Variants in DSCC1 observed in about 807,000 individuals in gnomAD.
DSCC1 encodes DNA replication and sister chromatid cohesion 1.
A neutral mutation model predicts 48.2 loss-of-function variants in DSCC1; 32 were observed. That is an observed-to-expected ratio of 0.66 (90% CI 0.50 to 0.89). The LOEUF is 0.89. Ranked by LOEUF, DSCC1 falls within the 40% of genes least tolerant of loss-of-function variation. The probability of loss-of-function intolerance (pLI) is 0.00; values close to 1 mark genes in which losing one functional copy is unlikely to be tolerated. For missense variants in DSCC1, 421 were observed against 471.7 expected, an observed-to-expected ratio of 0.89 and a Z score of 1.00; for synonymous variants, 150 against 171.5, an observed-to-expected ratio of 0.87 and a Z score of 0.98.
intron 3 of DSCC1, 60 bp downstream of exon 3, chr8:119,850,322 A>G (rs1303859185): frequency 8.2e-6 from 12 of 1,471,054 alleles, no homozygotes; most frequent in South Asian, 1.4e-5. Context: ...GAATGTGACT[A>G]TTAAGTGCCT....
intron 4 of DSCC1, among the ~76,000 whole-genome samples, chr8:119,844,373 A>C (rs982093119): frequency 7.0e-6 from 1 of 143,292 alleles, no homozygotes; most frequent in African/African-American, 2.6e-5. Flanking sequence ...TGGGAGGCCG[A>C]GGTTGTAGTG....
At chr8:119,854,025 CAT>C (rs1353246099) in intron 1 of DSCC1, among the ~76,000 whole-genome samples, 1 of 152,178 alleles carries the variant, frequency 6.6e-6, no homozygotes, top group East Asian at 1.9e-4. Context: ...GCCTGAGAAA[CAT>C]AGCAAGACCC....
intron 3 of DSCC1, among the ~76,000 whole-genome samples, chr8:119,849,375 C>T (rs1826912651): frequency 6.6e-6 from 1 of 152,094 alleles, no homozygotes; most frequent in South Asian, 2.1e-4. Context: ...CACTGCACTC[C>T]AGCCTGGGCA....
chr8:119,841,301 T>C (rs1179348457), intron 7 of DSCC1, among the ~76,000 whole-genome samples: 1 of 152,140 alleles, frequency 6.6e-6, no homozygotes, highest in Non-Finnish European at 1.5e-5. Context: ...CTGACTGGCA[T>C]TTTCAAAAGA....
intron 3 of DSCC1, among the ~76,000 whole-genome samples, chr8:119,847,591 G>A (rs554945629): frequency 1.3e-5 from 2 of 152,106 alleles, no homozygotes; most frequent in East Asian, 1.9e-4. Flanking sequence ...GCTAATGACT[G>A]CACACCACTA....
In DSCC1 at chr8:119,852,101, T is replaced by C. The variant is rs544540801; in HGVS notation, c.351+946A>G. Among the ~76,000 whole-genome samples, 186 of 152,330 alleles carry C rather than the reference T, an allele frequency of 1.2e-3. 1 individual carries two copies. The highest frequency in any genetic ancestry group is 2.1e-3 in the Non-Finnish European group (143 of 68,036). ...TGGAGCTTCCCAGCATTTTCCCTTC[T>C]TTCCTCTCCAATTCTGTATTTAAGG... On this transcript the variant is annotated intron_variant, in intron 2 of 8. Transcript: ENST00000313655.
intron 3 of DSCC1, 144 bp downstream of exon 3, chr8:119,850,238 G>T: frequency 1.4e-6 from 1 of 715,870 alleles, no homozygotes; most frequent in Non-Finnish European, 2.1e-6. Flanking sequence ...GTGCTTTGGG[G>T]TGTGCTTGAA....
chr8:119,841,077 C>T (rs1017596936), intron 7 of DSCC1, among the ~76,000 whole-genome samples: 9 of 151,686 alleles, frequency 5.9e-5, no homozygotes, highest in South Asian at 4.2e-4. Context: ...CTGCAACCTC[C>T]GCCTCCCAGG....
In DSCC1 at chr8:119,847,004, G is replaced by A. The variant is rs762030492; in HGVS notation, c.563C>T (p.Ala188Val). 2.5e-6 allele frequency: 4 copies of A among 1,613,634 alleles called. No homozygotes were observed. Among genetic ancestry groups the A allele is most frequent in the East Asian group, 2.2e-5 (1 of 44,860 alleles). Residue 188 changes from alanine to valine, a missense_variant, in exon 4 of 9, where the codon GCC becomes GTC. By Grantham distance (64) the Ala-to-Val change is moderately conservative. Coordinates refer to ENST00000313655, the MANE Select transcript of DSCC1 (RefSeq NM_024094.3). The part of the protein sequence containing the change: ...EIMTQLQVLN[A>V]CKIGGYWRIL... ...AGTAACGCTACCTCCAATCTTACAG[G>A]CATTTAGAACTTGTAATTGGGTCAT...
intron 7 of DSCC1, chr8:119,838,986 A>C (rs1271721578): frequency 6.6e-6 from 1 of 152,292 alleles, no homozygotes; most frequent in Non-Finnish European, 1.5e-5. Context: ...CACCCACCTC[A>C]ACTTCCCAAA....
At chr8:119,845,253 GT>G (rs1165213949) in intron 4 of DSCC1, among the ~76,000 whole-genome samples, 1 of 151,760 alleles carries the variant, frequency 6.6e-6, no homozygotes, top group African/African-American at 2.4e-5. Flanking sequence ...GCCCGGCCAA[GT>G]TTTTTGTATT....
chr8:119,834,794 T>C lies in DSCC1; in HGVS notation c.*99A>G. On this transcript the variant is annotated 3_prime_UTR_variant, in exon 9 of 9. Transcript: ENST00000313655. ...TGAGGAGAAAAATGCCTTAGAAGACTAGGTTTCTAAAAGTCAGAAATAAAA... is the reference window on the plus strand; with the variant it reads ...TGAGGAGAAAAATGCCTTAGAAGACCAGGTTTCTAAAAGTCAGAAATAAAA... 1.3e-6 allele frequency: 1 copy of C among 779,796 alleles called. No individual in the cohort carries two copies. Among genetic ancestry groups the C allele is most frequent in the Non-Finnish European group, 2.2e-6 (1 of 462,138 alleles). The allele number at this position is 779,796 out of a possible 1,614,324, so 48.3% of individuals were successfully genotyped here.
intron 7 of DSCC1, 125 bp downstream of exon 7, chr8:119,841,669 G>T: frequency 2.2e-6 from 2 of 925,682 alleles, no homozygotes; most frequent in Non-Finnish European, 3.2e-6. Context: ...TGGATTGGAT[G>T]TACATGCACT....
At chr8:119,845,445 T>G (rs1198669637) in intron 4 of DSCC1, among the ~76,000 whole-genome samples, 7 of 151,988 alleles carry the variant, frequency 4.6e-5, no homozygotes, top group African/African-American at 9.7e-5. Flanking sequence ...AAAGTATACA[T>G]CCACCATTTC....
rs1432499257 is a variant in DSCC1 at position 119,835,001 on chromosome 8, T to C, written c.1074A>G (p.Gln358=). The C allele has an allele frequency of 7.0e-6, 11 of 1,564,060 alleles. No homozygotes were observed. Among genetic ancestry groups the C allele is most frequent in the Non-Finnish European group, 9.6e-6 (11 of 1,141,402 alleles). The change falls in exon 9 of 9, where the codon CAA becomes CAG. Residue 358 remains glutamine, a splice_region_variant and synonymous_variant. Transcript: ENST00000313655. ...TGGTTTGCTTCTCTCCACACAAATC[T>C]CTGTAGGAACAATAAAAAATATATA... The part of the protein sequence containing the change: ...WTEEDIAPYI[Q]DLCGEKQTIG...
At position 119,847,083 on chromosome 8, in the gene DSCC1, G is replaced by A; in HGVS notation, c.487-3C>T. 6.2e-7 allele frequency: 1 copy of A among 1,608,708 alleles called. No homozygotes were observed. The highest frequency in any genetic ancestry group is 8.5e-7 in the Non-Finnish European group (1 of 1,178,594). ...TCAAGCAAATCTTCAGTTGTATACT[G>A]CAAAAAGAAAAAAATATTTTAAGGC... On this transcript the variant is annotated splice_region_variant and splice_polypyrimidine_tract_variant and intron_variant, in intron 3 of 8. Coordinates refer to ENST00000313655, the MANE Select transcript of DSCC1 (RefSeq NM_024094.3).
chr8:119,844,526 G>C (rs183186211), intron 4 of DSCC1, among the ~76,000 whole-genome samples: 2 of 149,024 alleles, frequency 1.3e-5, no homozygotes, highest in Admixed American at 1.3e-4. Flanking sequence ...TCTTCAGGGA[G>C]ATCAAGTTGT....
intron 7 of DSCC1, 50 bp downstream of exon 7, chr8:119,841,744 T>C: frequency 6.3e-7 from 1 of 1,589,028 alleles, no homozygotes; most frequent in Non-Finnish European, 8.6e-7. Context: ...ATCATTCACC[T>C]AGTAATTAAT....
intron 7 of DSCC1, among the ~76,000 whole-genome samples, chr8:119,840,741 G>C (rs552111015): frequency 1.8e-4 from 28 of 151,668 alleles, no homozygotes; most frequent in Non-Finnish European, 2.1e-4. Flanking sequence ...GCGAAACCCC[G>C]TCTCTACTAA....
Sources: allele counts gnomAD v4.1 joint callset (sites outside exome capture counted in the v4.1 genomes callset), GRCh38; gene constraint gnomAD v4.1.1; transcripts MANE v1.5; gene names NCBI Gene and HGNC (gene_info 2026-07-23, HGNC 2026-07-21).